XRN2: variants seen among roughly 807,000 people sequenced by gnomAD.
The protein encoded by XRN2 is DHM1-like protein.
Under a neutral mutation model 138.5 loss-of-function variants are expected in XRN2, and 44 were observed. The ratio of observed to expected loss-of-function variants is 0.32; its 90% CI spans 0.25 to 0.41. The LOEUF (loss-of-function observed/expected upper bound fraction) is 0.41. Among genes scored for constraint, XRN2 ranks in the 10% least tolerant of loss-of-function variants. The pLI is 1.00. For synonymous variants in XRN2, 354 were observed against 369.4 expected, an observed-to-expected ratio of 0.96 and a Z score of 0.48; for missense variants, 937 against 1,169.3, an observed-to-expected ratio of 0.80 and a Z score of 2.90.
At chr20:21,318,433 C>T (rs2037991186) in intron 1 of XRN2, among the ~76,000 whole-genome samples, 1 of 151,918 alleles carries the variant, frequency 6.6e-6, no homozygotes, top group African/African-American at 2.4e-5. Context: ...TTTCTGCTCT[C>T]ATCTTTTATT....
chr20:21,323,183 A>G (rs766063369), intron 1 of XRN2, among the ~76,000 whole-genome samples: 4 of 152,156 alleles, frequency 2.6e-5, no homozygotes, highest in Non-Finnish European at 5.9e-5. Flanking sequence ...CACATGTTGG[A>G]GGTACTGCAC....
rs1010927405 is a variant in XRN2, at chr20:21,353,138, A to T, written c.1937-1651A>T. The stretch of plus-strand genomic sequence containing the variant: ...TTTATATATGTATAATATTTAATAT[A>T]TAATATTTAATATTTAATATATAAT... On this transcript the variant is annotated intron_variant, in intron 20 of 29. Coordinates refer to ENST00000377191, the MANE Select transcript of XRN2 (RefSeq NM_012255.5). Among the ~76,000 whole-genome samples, 12 of 146,458 alleles carry T rather than the reference A, an allele frequency of 8.2e-5. No individual in the cohort carries two copies. In the East Asian group the frequency reaches 2.0e-3, roughly 24 times the overall value.
chr20:21,377,007 G>A (rs2038829841), intron 27 of XRN2, among the ~76,000 whole-genome samples: 1 of 151,640 alleles, frequency 6.6e-6, no homozygotes, highest in South Asian at 2.1e-4. Context: ...GATGGATTTC[G>A]ATTGCTCTTG....
At chr20:21,313,939 A>G (rs962012236) in intron 1 of XRN2, among the ~76,000 whole-genome samples, 2 of 152,246 alleles carry the variant, frequency 1.3e-5, no homozygotes, top group African/African-American at 2.4e-5. Flanking sequence ...TATGATTTGC[A>G]TACAATAAAA....
At chr20:21,377,313 A>G (rs1345007763) in intron 27 of XRN2, among the ~76,000 whole-genome samples, 1 of 106,712 alleles carries the variant, frequency 9.4e-6, no homozygotes, top group Non-Finnish European at 1.7e-5. Flanking sequence ...GCTGGAGTGC[A>G]GTGGCGCAAT....
At chr20:21,363,938 A>G (rs1453700878) in intron 24 of XRN2, among the ~76,000 whole-genome samples, 1 of 149,058 alleles carries the variant, frequency 6.7e-6, no homozygotes, top group Non-Finnish European at 1.5e-5. Flanking sequence ...CTGTTACTAA[A>G]TTTTTTTTTT....
intron 27 of XRN2, among the ~76,000 whole-genome samples, chr20:21,379,774 G>C (rs1433982334): frequency 1.3e-5 from 2 of 152,136 alleles, no homozygotes; most frequent in African/African-American, 4.8e-5. Context: ...TTACATTCCA[G>C]TTCTACTTAG....
At chr20:21,308,515 C>T (rs1050568976) in intron 1 of XRN2, among the ~76,000 whole-genome samples, 2 of 152,156 alleles carry the variant, frequency 1.3e-5, no homozygotes, top group African/African-American at 4.8e-5. Context: ...TCCTCACCAA[C>T]ACTTGATATA....
chr20:21,357,392 C>G (rs1017756545), intron 23 of XRN2, among the ~76,000 whole-genome samples: 1 of 151,942 alleles, frequency 6.6e-6, no homozygotes, highest in African/African-American at 2.4e-5. Context: ...TGTTGTAATC[C>G]CAGTGGCAGT....
At chr20:21,316,792 T>C (rs564753405) in intron 1 of XRN2, among the ~76,000 whole-genome samples, 1 of 152,374 alleles carries the variant, frequency 6.6e-6, no homozygotes, top group Non-Finnish European at 1.5e-5. Context: ...TAGAACTATT[T>C]TGATTTCTGT....
At chr20:21,384,884 G>C (rs974611744) in intron 28 of XRN2, among the ~76,000 whole-genome samples, 2 of 152,124 alleles carry the variant, frequency 1.3e-5, no homozygotes, top group Non-Finnish European at 2.9e-5. Flanking sequence ...TTTTAGTTTT[G>C]TAAGTATTTG....
intron 28 of XRN2, among the ~76,000 whole-genome samples, chr20:21,384,684 G>T (rs935523966): frequency 1.3e-5 from 2 of 152,068 alleles, no homozygotes; most frequent in Non-Finnish European, 1.5e-5. Context: ...GTAGAGACGG[G>T]GTTTTCCCAT....
rs767099013 is a variant in XRN2 at position 21,332,492 on chromosome 20, G to T, written c.858+52G>T. 2.0e-6 allele frequency: 3 copies of T among 1,484,336 alleles called. No homozygotes were observed. In the South Asian group the frequency reaches 4.0e-5, roughly 20 times the overall value. The allele number at this position is 1,484,336 out of a possible 1,614,324, so 91.9% of individuals were successfully genotyped here. On this transcript the variant is annotated intron_variant, in intron 9 of 29. Transcript: ENST00000377191. Reference sequence around the variant, plus strand: ...TCATTAAAAAAAAAAATCTATTGTGGTAAAATGTATATGACATAAAATATC... The same window carrying T: ...TCATTAAAAAAAAAAATCTATTGTGTTAAAATGTATATGACATAAAATATC...
At chr20:21,339,816 C>T (rs1341632969) in intron 14 of XRN2, among the ~76,000 whole-genome samples, 1 of 152,078 alleles carries the variant, frequency 6.6e-6, no homozygotes, top group Admixed American at 6.6e-5. Flanking sequence ...AGTCATTTAA[C>T]TTCTTTAGTT....
chr20:21,343,710 G>A (rs2038400898), intron 15 of XRN2, among the ~76,000 whole-genome samples: 2 of 151,486 alleles, frequency 1.3e-5, no homozygotes, highest in South Asian at 2.1e-4. Context: ...AAATGATTGT[G>A]AATTCCTAAC....
intron 26 of XRN2, among the ~76,000 whole-genome samples, chr20:21,366,169 A>AT (rs1555787377): frequency 1.4e-4 from 17 of 118,014 alleles, no homozygotes; most frequent in East Asian, 2.3e-4. Context: ...TAGTTTATAT[A>AT]ATATATATAA....
Position 21,333,763 on chromosome 20 carries a change from C to T in XRN2, c.993C>T (p.Ser331=), listed in dbSNP as rs971662074. The change falls in exon 11 of 30, where the codon AGC becomes AGT. Residue 331 remains serine (S), a synonymous_variant. Transcript: ENST00000377191. ...CATTCACATTTGATGTTGAGAGGAG[C>T]ATTGATGACTGGGTTTTCATGTGCT... ...SLPFTFDVER[S]IDDWVFMCFF... The T allele has an allele frequency of 2.5e-6, 4 of 1,614,028 alleles. No individual in the cohort carries two copies. In the African/African-American group the frequency reaches 5.3e-5, roughly 22 times the overall value.
At chr20:21,350,189 C>T (rs1419532983) in intron 20 of XRN2, among the ~76,000 whole-genome samples, 6 of 152,092 alleles carry the variant, frequency 3.9e-5, no homozygotes, top group African/African-American at 1.4e-4. Context: ...GGTGTGTTTA[C>T]CACTCAACCA....
At chr20:21,305,089 C>T (rs2037797811) in intron 1 of XRN2, among the ~76,000 whole-genome samples, 1 of 152,156 alleles carries the variant, frequency 6.6e-6, no homozygotes, top group South Asian at 2.1e-4. Flanking sequence ...TATCAAGAGT[C>T]ATCTTTCTTC....
Sources: gnomAD v4.1 joint callset for allele counts (sites outside exome capture counted in the v4.1 genomes callset) on GRCh38, gnomAD v4.1.1 for gene constraint, MANE v1.5 for transcripts, NCBI Gene and HGNC (gene_info 2026-07-23, HGNC 2026-07-21) for gene names.